The following ANKS1B variants were observed in gnomAD, a reference collection of about 807,000 sequenced individuals.
The protein encoded by ANKS1B is ankyrin repeat and sterile alpha motif domain-containing protein 1B.
In ANKS1B, 36 loss-of-function variants were observed where a neutral mutation model predicts 148.3. The observed-to-expected ratio is 0.24, with a 90% CI of 0.19 to 0.32. The LOEUF (loss-of-function observed/expected upper bound fraction) is 0.32. ANKS1B is among the 10% of genes least tolerant of loss of function. ANKS1B has a pLI of 1.00. For missense variants in ANKS1B, 1,157 were observed against 1,542.6 expected, an observed-to-expected ratio of 0.75 and a Z score of 4.19; for synonymous variants, 542 against 560.8, an observed-to-expected ratio of 0.97 and a Z score of 0.47.
Position 99,975,944 on chromosome 12 carries a change from A to G in ANKS1B, c.134+8160T>C, listed in dbSNP as rs118062450. Among the ~76,000 whole-genome samples the G allele has an allele frequency of 1.7e-3, 255 of 152,358 alleles. 9 individuals carry two copies. In the East Asian group the frequency reaches 0.041, roughly 24 times the overall value. ...GCACAATAGCAAAGACATGGAATCAATCTAGATGCCCATCAATGGTAGACT... is the reference window on the plus strand; with the variant it reads ...GCACAATAGCAAAGACATGGAATCAGTCTAGATGCCCATCAATGGTAGACT... On this transcript the variant is annotated intron_variant, in intron 1 of 26. Transcript: ENST00000683438.
At chr12:99,753,489 A>G (rs2061297467) in intron 8 of ANKS1B, among the ~76,000 whole-genome samples, 3 of 152,122 alleles carry the variant, frequency 2.0e-5, no homozygotes, top group Non-Finnish European at 2.9e-5. Context: ...AAGGCTCAAT[A>G]TTGTATCACT....
chr12:98,945,322 C>T lies in ANKS1B; in HGVS notation c.2778+107835G>A, dbSNP rs529818344. 4.6e-5 allele frequency among the ~76,000 whole-genome samples: 7 copies of T among 151,778 alleles called. No individual in the cohort carries two copies. The South Asian group carries it at 1.3e-3, about 27-fold the overall frequency. ...ACCAGCCTCGGCAACATGGTGAAAC[C>T]CCATCTCTACAAAAATACAAAAATT... On this transcript the variant is annotated intron_variant, in intron 17 of 26. Transcript: ENST00000683438.
chr12:99,617,179 T>C (rs892281913), intron 9 of ANKS1B, among the ~76,000 whole-genome samples: 2 of 152,134 alleles, frequency 1.3e-5, no homozygotes, highest in African/African-American at 4.8e-5. Context: ...TAGGTACACT[T>C]TTACACCATT....
chr12:99,203,856 C>T (rs1441562588), intron 14 of ANKS1B, among the ~76,000 whole-genome samples: 1 of 152,166 alleles, frequency 6.6e-6, no homozygotes, highest in Non-Finnish European at 1.5e-5. Context: ...GTTTGTTTCA[C>T]CAGCTAGACT....
At chr12:98,798,867 C>A (rs1231049509) in intron 22 of ANKS1B, 67 bp downstream of exon 22, 72 of 1,330,892 alleles carry the variant, frequency 5.4e-5, no homozygotes, top group Non-Finnish European at 7.4e-5. Flanking sequence ...TGAAAGGTGG[C>A]AATTTGTATC....
At chr12:99,858,403 G>A (rs2153714287) in intron 1 of ANKS1B, among the ~76,000 whole-genome samples, 1 of 152,198 alleles carries the variant, frequency 6.6e-6, no homozygotes. Context: ...TGGTAAAAAT[G>A]GAACACTTTT....
chr12:99,915,768 T>C (rs1396536630), intron 1 of ANKS1B, among the ~76,000 whole-genome samples: 1 of 152,160 alleles, frequency 6.6e-6, no homozygotes, highest in Non-Finnish European at 1.5e-5. Flanking sequence ...AAATTTACCG[T>C]CTCACAGTTT....
intron 8 of ANKS1B, among the ~76,000 whole-genome samples, chr12:99,741,921 A>T (rs2060151833): frequency 1.3e-5 from 2 of 150,494 alleles, no homozygotes; most frequent in African/African-American, 2.5e-5. Flanking sequence ...AGCTAAATTT[A>T]AAAAAAAGAA....
At chr12:98,864,833 C>T (rs759085715) in intron 17 of ANKS1B, among the ~76,000 whole-genome samples, 95 of 152,158 alleles carry the variant, frequency 6.2e-4, no homozygotes, top group Non-Finnish European at 1.2e-3. Context: ...TCAGAACACA[C>T]GCTGTTTGGC....
chr12:99,539,001 T>G (rs577294425), intron 9 of ANKS1B, among the ~76,000 whole-genome samples: 1 of 152,224 alleles, frequency 6.6e-6, no homozygotes. Flanking sequence ...AATGGTCATA[T>G]GGTTTTTATC....
chr12:99,246,366 G>A lies in ANKS1B; in HGVS notation c.2255C>T (p.Ser752Leu). The A allele has an allele frequency of 6.2e-7, 1 of 1,613,812 alleles. No individual in the cohort carries two copies. Among genetic ancestry groups the A allele is most frequent in the Non-Finnish European group, 8.5e-7 (1 of 1,179,836 alleles). Residue 752 changes from serine (S) to leucine (L), a missense_variant, in exon 13 of 27, where the codon TCA (serine) becomes TTA (leucine). Transcript: ENST00000683438. ...GGAAGATTCACTCCAGTTAACTCTT[G>A]ATGTTTTCTCATTGGAAGGATAGGC... ...LIAYPSNEKT[S>L]RVNWSESSTA...
chr12:99,625,368 G>A (rs1026018755), intron 9 of ANKS1B, among the ~76,000 whole-genome samples: 2 of 151,958 alleles, frequency 1.3e-5, no homozygotes, highest in African/African-American at 4.8e-5. Context: ...ATCTGCACAT[G>A]TACCCCGACT....
At chr12:99,473,399 A>G (rs1242340277) in intron 10 of ANKS1B, among the ~76,000 whole-genome samples, 1 of 152,066 alleles carries the variant, frequency 6.6e-6, no homozygotes, top group East Asian at 1.9e-4. Flanking sequence ...TCTTACAAAC[A>G]ATATTGCAGT....
chr12:98,921,831 G>A (rs1461882008), intron 17 of ANKS1B, among the ~76,000 whole-genome samples: 1 of 152,164 alleles, frequency 6.6e-6, no homozygotes, highest in Non-Finnish European at 1.5e-5. Flanking sequence ...TTTATTAATA[G>A]CATAGAATTG....
At chr12:99,664,676 G>A (rs907666535) in intron 8 of ANKS1B, among the ~76,000 whole-genome samples, 4 of 152,092 alleles carry the variant, frequency 2.6e-5, no homozygotes, top group African/African-American at 7.2e-5. Flanking sequence ...TTCCATCACC[G>A]CAAAAGGTTA....
chr12:98,964,825 C>T (rs920475662), intron 17 of ANKS1B, among the ~76,000 whole-genome samples: 16 of 151,124 alleles, frequency 1.1e-4, no homozygotes, highest in African/African-American at 2.4e-4. Context: ...ATTGAGGGTG[C>T]GGGGAAGGGA....
chr12:99,065,303 G>A (rs925175490), intron 16 of ANKS1B, among the ~76,000 whole-genome samples: 7 of 152,076 alleles, frequency 4.6e-5, no homozygotes, highest in African/African-American at 1.7e-4. Context: ...CCAAACTTGA[G>A]TCTTCAGAAG....
intron 12 of ANKS1B, among the ~76,000 whole-genome samples, chr12:99,291,608 T>C (rs2079994064): frequency 6.6e-6 from 1 of 152,188 alleles, no homozygotes; most frequent in Non-Finnish European, 1.5e-5. Flanking sequence ...AGTGAACTTA[T>C]TTTTGACAAA....
chr12:99,049,265 G>A lies in ANKS1B; in HGVS notation c.2778+3892C>T, dbSNP rs2099964389. ...TTTAGTAATTATTCTTCTTGGTTAT[G>A]AGCATAAGTTACCATTTACCTTTAT... On this transcript the variant is annotated intron_variant, in intron 17 of 26. Transcript: ENST00000683438. Among the ~76,000 whole-genome samples the A allele has an allele frequency of 2.0e-5, 3 of 152,002 alleles. No individual in the cohort carries two copies. The South Asian group carries it at 6.2e-4, about 32-fold the overall frequency.
Sources: allele counts gnomAD v4.1 joint callset (sites outside exome capture counted in the v4.1 genomes callset), GRCh38; gene constraint gnomAD v4.1.1; transcripts MANE v1.5; gene names NCBI Gene and HGNC (gene_info 2026-07-23, HGNC 2026-07-21).